WDR64: variants seen among roughly 807,000 people sequenced by gnomAD.
WDR64 encodes WD repeat-containing protein 64.
Under a neutral mutation model 139.3 loss-of-function variants are expected in WDR64, and 112 were observed. The ratio of observed to expected loss-of-function variants is 0.80; its 90% CI spans 0.69 to 0.94. WDR64 has a LOEUF of 0.94. Among genes scored for constraint, WDR64 ranks in the 40% least tolerant of loss-of-function variants. The pLI is 0.00. For synonymous variants in WDR64, 444 were observed against 437.7 expected (o/e 1.01, Z -0.18); for missense variants, 1,206 against 1,293.1 (o/e 0.93, Z 1.03).
chr1:241,697,314 T>G (rs1667532156), intron 8 of WDR64, among the ~76,000 whole-genome samples: 1 of 152,204 alleles, frequency 6.6e-6, no homozygotes, highest in Non-Finnish European at 1.5e-5. Context: ...CCTTTCAAAA[T>G]TATCTCTGGC....
intron 10 of WDR64, among the ~76,000 whole-genome samples, chr1:241,725,836 T>C (rs1668810796): frequency 6.6e-6 from 1 of 151,822 alleles, no homozygotes; most frequent in Admixed American, 6.6e-5. Flanking sequence ...AAAAAAACTC[T>C]CAATTTTTTG....
At position 241,723,300 on chromosome 1, in the gene WDR64, A is replaced by G; in HGVS notation, c.1058A>G (p.Asp353Gly). The G allele has an allele frequency of 6.2e-7, 1 of 1,613,654 alleles. No individual in the cohort carries two copies. Among genetic ancestry groups the G allele is most frequent in the Non-Finnish European group, 8.5e-7 (1 of 1,179,764 alleles). Residue 353 changes from aspartate to glycine, a missense_variant, in exon 10 of 28, where the codon GAT (aspartate) becomes GGT (glycine). Transcript: ENST00000437684. ...CTTTCCCTGTCCTCCTTTTCAGGAG[A>G]TGATAAGGTCATCCGGTTGTGGCAC... ...VKANVIVTGGDDKVIRLWHPN... is the reference protein window; with the variant it reads ...VKANVIVTGGGDKVIRLWHPN...
At chr1:241,767,208 A>G (rs888983734) in intron 16 of WDR64, among the ~76,000 whole-genome samples, 1 of 151,912 alleles carries the variant, frequency 6.6e-6, no homozygotes, top group African/African-American at 2.4e-5. Context: ...CCACCTCAAC[A>G]CGTCTGATTT....
Position 241,744,379 on chromosome 1 carries a change from G to A in WDR64, c.1471-14G>A, listed in dbSNP as rs140493090. 1.5e-4 allele frequency: 236 copies of A among 1,612,878 alleles called. 1 individual carries two copies. In the East Asian group the frequency reaches 2.3e-3, roughly 16 times the overall value. On this transcript the variant is annotated splice_polypyrimidine_tract_variant and intron_variant, in intron 12 of 27. Transcript: ENST00000437684. The stretch of plus-strand genomic sequence containing the variant: ...TTCAAACGGATTACTTGATATTTTC[G>A]TTCTTTCCCATAGGTATGGGAACTC...
intron 22 of WDR64, 107 bp downstream of exon 22, chr1:241,780,169 C>A: frequency 1.1e-6 from 1 of 942,868 alleles, no homozygotes; most frequent in South Asian, 1.6e-5. Flanking sequence ...TCTCTGTTGT[C>A]AAGGCACATA....
At chr1:241,709,383 A>G (rs941187437) in intron 8 of WDR64, among the ~76,000 whole-genome samples, 3 of 152,176 alleles carry the variant, frequency 2.0e-5, no homozygotes, top group African/African-American at 7.2e-5. Context: ...AATAATTGCA[A>G]TGCAAGATAT....
At chr1:241,738,581 C>A in intron 11 of WDR64, 92 bp downstream of exon 11, 1 of 1,315,616 alleles carries the variant, frequency 7.6e-7, no homozygotes, top group Non-Finnish European at 1.0e-6. Context: ...ACAAGGAAAA[C>A]AAAACTAGAA....
rs759815840 is a variant in WDR64 at position 241,744,455 on chromosome 1, T to C, written c.1533T>C (p.Thr511=). 3 of 1,614,060 alleles carry C rather than the reference T, an allele frequency of 1.9e-6. No homozygotes were observed. In the Admixed American group the frequency reaches 5.0e-5, roughly 27 times the overall value. The change falls in exon 13 of 28, where the codon ACT becomes ACC. Residue 511 remains threonine, a synonymous_variant. Transcript: ENST00000437684. ...YQILEPHGFN[T]EVTSAAVDES... ...TTTTAGAACCTCATGGTTTCAATACTGAAGTGACTTCTGCAGCTGTCGATG... is the reference window on the plus strand; with the variant it reads ...TTTTAGAACCTCATGGTTTCAATACCGAAGTGACTTCTGCAGCTGTCGATG...
Position 241,775,156 on chromosome 1 carries a change from C to G in WDR64, c.2482C>G (p.Leu828Val). The change falls in exon 21 of 28, where the codon CTG (leucine) becomes GTG (valine). Residue 828 changes from leucine to valine, a missense_variant. Leu to Val is a conservative substitution (Grantham distance 32). Coordinates refer to ENST00000437684, the MANE Select transcript of WDR64 (RefSeq NM_001367482.1). ...TTTCACAAAACATTCTGCCATTTCT[C>G]TGACATCGCTGTATACTGATTCATG... is the stretch of plus-strand genomic sequence containing the variant. ...LPFTKHSAIS[L>V]TSLYTDSCTR... is the part of the protein sequence containing the mutation. 1 of 1,551,164 alleles carries G rather than the reference C, an allele frequency of 6.4e-7. No individual in the cohort carries two copies. Among genetic ancestry groups the G allele is most frequent in the East Asian group, 2.4e-5 (1 of 40,886 alleles).
intron 23 of WDR64, 142 bp from the exon 24 acceptor site, chr1:241,787,707 G>T: frequency 1.6e-6 from 1 of 611,884 alleles, no homozygotes; most frequent in Non-Finnish European, 2.7e-6. Flanking sequence ...TAGCTCCACA[G>T]TATTTCATAG....
In WDR64 at chr1:241,711,866, G is replaced by A; in HGVS notation, c.1039G>A (p.Val347Met). 6.2e-7 allele frequency: 1 copy of A among 1,614,220 alleles called. No individual in the cohort carries two copies. Among genetic ancestry groups the A allele is most frequent in the Non-Finnish European group, 8.5e-7 (1 of 1,180,038 alleles). Residue 347 changes from valine to methionine, a missense_variant, in exon 9 of 28, where the codon GTG becomes ATG. Val to Met is a conservative substitution (Grantham distance 21). Coordinates refer to ENST00000437684, the MANE Select transcript of WDR64 (RefSeq NM_001367482.1). ...NTFCYCVKAN[V>M]IVTGGDDKVI... ...TTTTTGCTACTGTGTTAAGGCAAAT[G>A]TGATTGTCACTGGAGGTGAGAGGGC...
intron 1 of WDR64, 33 bp downstream of exon 1, chr1:241,652,662 G>T (rs187975837): frequency 6.5e-7 from 1 of 1,546,848 alleles, no homozygotes; most frequent in Admixed American, 2.0e-5. Context: ...AGTCCAATTG[G>T]GTCTGTTGGT....
At chr1:241,668,091 A>G (rs1179454957) in intron 2 of WDR64, among the ~76,000 whole-genome samples, 1 of 152,194 alleles carries the variant, frequency 6.6e-6, no homozygotes, top group East Asian at 1.9e-4. Context: ...TATTATCTGT[A>G]ATTGACTTCG....
intron 1 of WDR64, among the ~76,000 whole-genome samples, chr1:241,659,496 C>A (rs973205574): frequency 6.6e-6 from 1 of 152,192 alleles, no homozygotes; most frequent in Admixed American, 6.5e-5. Context: ...CTGTCTTCCA[C>A]AATCGTTGAA....
At chr1:241,766,184 A>C (rs372224335) in intron 15 of WDR64, 34 bp from the exon 16 acceptor site, 1 of 1,608,758 alleles carries the variant, frequency 6.2e-7, no homozygotes. Flanking sequence ...CATGAATACT[A>C]TATTTATGGT....
intron 9 of WDR64, among the ~76,000 whole-genome samples, chr1:241,714,054 T>C (rs1264720873): frequency 6.6e-6 from 1 of 152,144 alleles, no homozygotes; most frequent in Non-Finnish European, 1.5e-5. Flanking sequence ...AAGATTCCTT[T>C]TGGTGACAGG....
At chr1:241,747,855 GA>G (rs1669823021) in intron 13 of WDR64, among the ~76,000 whole-genome samples, 1 of 152,182 alleles carries the variant, frequency 6.6e-6, no homozygotes, top group Non-Finnish European at 1.5e-5. Flanking sequence ...GGGCAGTGAT[GA>G]GAAGGAAATT....
At chr1:241,790,738 CA>C (rs1200508533) in intron 25 of WDR64, 42 bp downstream of exon 25, 1 of 1,399,364 alleles carries the variant, frequency 7.1e-7, no homozygotes, top group Non-Finnish European at 9.7e-7. Flanking sequence ...GCAACAACAA[CA>C]AAACCTTTGC....
chr1:241,765,482 G>A (rs1456629891), intron 15 of WDR64, among the ~76,000 whole-genome samples: 2 of 152,100 alleles, frequency 1.3e-5, no homozygotes, highest in Non-Finnish European at 2.9e-5. Context: ...AAGAAAAGTC[G>A]CAGAGACACA....
Sources: gnomAD v4.1 joint callset for allele counts (sites outside exome capture counted in the v4.1 genomes callset) on GRCh38, gnomAD v4.1.1 for gene constraint, MANE v1.5 for transcripts, NCBI Gene and HGNC (gene_info 2026-07-23, HGNC 2026-07-21) for gene names.